Variants in AKAP1 observed in about 807,000 individuals in gnomAD.
The protein encoded by AKAP1 is A-kinase anchor protein 1, mitochondrial.
A neutral mutation model predicts 79.8 loss-of-function variants in AKAP1; 32 were observed. That is an observed-to-expected ratio of 0.40 (90% CI 0.30 to 0.54). The LOEUF (loss-of-function observed/expected upper bound fraction) is 0.54. Among genes scored for constraint, AKAP1 ranks in the 20% least tolerant of loss-of-function variants. The pLI is 0.47. For synonymous variants in AKAP1, 416 were observed against 466.7 expected (o/e 0.89, Z 1.40); for missense variants, 961 against 1,138.9 (o/e 0.84, Z 2.25).
chr17:57,089,025 T>G (rs997894634), intron 1 of AKAP1, among the ~76,000 whole-genome samples: 1 of 152,222 alleles, frequency 6.6e-6, no homozygotes, highest in Non-Finnish European at 1.5e-5. Flanking sequence ...GTTTCACTGC[T>G]GGGCTTAGCT....
chr17:57,118,601 C>G, intron 9 of AKAP1, 147 bp downstream of exon 9: 1 of 745,392 alleles, frequency 1.3e-6, no homozygotes, highest in Non-Finnish European at 2.2e-6. Flanking sequence ...TGATATTAGT[C>G]TGTTCTCACA....
chr17:57,114,169 G>A (rs1241580522), intron 5 of AKAP1, among the ~76,000 whole-genome samples: 3 of 152,134 alleles, frequency 2.0e-5, no homozygotes, highest in African/African-American at 4.8e-5. Flanking sequence ...CACTACCTCC[G>A]CAGTTGCTTC....
At chr17:57,110,686 A>C (rs8068737) in intron 3 of AKAP1, among the ~76,000 whole-genome samples, 38,326 of 152,190 alleles carry the variant, frequency 0.25, 5,500 homozygotes, top group East Asian at 0.46. Flanking sequence ...TGTGGTTTTT[A>C]AACAAAACTG....
intron 1 of AKAP1, chr17:57,095,960 G>GTGA (rs1477030172): frequency 1.3e-5 from 2 of 152,172 alleles, no homozygotes; most frequent in African/African-American, 2.4e-5. Context: ...GAGGGGCAAG[G>GTGA]TGAGTGTGAC....
chr17:57,097,238 C>T lies in AKAP1; in HGVS notation c.-24-8203C>T, dbSNP rs891236024. On this transcript the variant is annotated intron_variant, in intron 1 of 10. Coordinates refer to ENST00000337714, the MANE Select transcript of AKAP1 (RefSeq NM_003488.4). ...TGCAGCCTAAGGAAATCCTGGCCCT[C>T]TTTGAGAAAGCCTTCCTGGGCTCCC... Among the ~76,000 whole-genome samples the T allele has an allele frequency of 2.0e-5, 3 of 151,984 alleles. No homozygotes were observed. The South Asian group carries it at 6.2e-4, about 31-fold the overall frequency.
At position 57,107,099 on chromosome 17, in the gene AKAP1, TGGG is replaced by T. The variant is rs1368832862; in HGVS notation, c.1637_1639del (p.Gly546del). On this transcript the variant is annotated inframe_deletion, in exon 2 of 11. Coordinates refer to ENST00000337714, the MANE Select transcript of AKAP1 (RefSeq NM_003488.4). Reference sequence around the variant, plus strand: ...CAGAAAGTACTGTGCCCTTCAGCAATGGGGTGCTGAAGGGGGAGTTGTCAGACT... The same window carrying T: ...CAGAAAGTACTGTGCCCTTCAGCAATGTGCTGAAGGGGGAGTTGTCAGACT... 5 of 1,613,868 alleles carry T rather than the reference TGGG, an allele frequency of 3.1e-6. No homozygotes were observed. Among genetic ancestry groups the T allele is most frequent in the Non-Finnish European group, 4.2e-6 (5 of 1,179,978 alleles).
chr17:57,107,927 C>T (rs1360790475), intron 2 of AKAP1: 1 of 1,282,848 alleles, frequency 7.8e-7, no homozygotes. Flanking sequence ...AAAGCCTCAG[C>T]CATTTTCTTT....
intron 7 of AKAP1, 61 bp downstream of exon 7, chr17:57,116,322 C>T (rs553855386): frequency 1.1e-5 from 18 of 1,597,428 alleles, no homozygotes; most frequent in South Asian, 5.6e-5. Context: ...GTGATCTCTG[C>T]GTGGCTGGCT....
At position 57,118,972 on chromosome 17, in the gene AKAP1, C is replaced by T. The variant is rs200645805; in HGVS notation, c.2575-10C>T. ...CTAACCATATTATTCTTTCCACCCC[C>T]CTTCTTCAGGTGACAAGTTACAGTC... On this transcript the variant is annotated splice_polypyrimidine_tract_variant and intron_variant, in intron 9 of 10. Transcript: ENST00000337714. 24 of 1,612,918 alleles carry T rather than the reference C, an allele frequency of 1.5e-5. No individual in the cohort carries two copies. The highest frequency in any genetic ancestry group is 1.5e-5 in the Non-Finnish European group (18 of 1,179,110).
At chr17:57,110,767 G>A (rs984261452) in intron 3 of AKAP1, among the ~76,000 whole-genome samples, 4 of 152,156 alleles carry the variant, frequency 2.6e-5, no homozygotes, top group African/African-American at 9.7e-5. Context: ...CTTTGAAAAT[G>A]TAACTGTAAC....
chr17:57,107,920 G>T (rs1222577232), intron 2 of AKAP1: 1 of 1,281,434 alleles, frequency 7.8e-7, no homozygotes, highest in South Asian at 1.2e-5. Context: ...TTTGCAGAAA[G>T]CCTCAGCCAT....
At chr17:57,091,320 C>T (rs1913769180) in intron 1 of AKAP1, among the ~76,000 whole-genome samples, 1 of 151,468 alleles carries the variant, frequency 6.6e-6, no homozygotes, top group Non-Finnish European at 1.5e-5. Flanking sequence ...AGGTGGCATC[C>T]TTTAGGAGGG....
Position 57,118,586 on chromosome 17 carries a change from A to G in AKAP1, c.2574+132A>G, listed in dbSNP as rs564845500. On this transcript the variant is annotated intron_variant, in intron 9 of 10. Coordinates refer to ENST00000337714, the MANE Select transcript of AKAP1 (RefSeq NM_003488.4). ...TAAGGAAAGGTGCATGAAGTAGCTA[A>G]TACTTGATATTAGTCTGTTCTCACA... is the stretch of plus-strand genomic sequence containing the variant. The G allele has an allele frequency of 1.1e-5, 9 of 809,498 alleles. No individual in the cohort carries two copies. The South Asian group carries it at 1.5e-4, about 13-fold the overall frequency. The allele number at this position is 809,498 out of a possible 1,614,324, so 50.1% of individuals were successfully genotyped here.
At chr17:57,118,253 C>T (rs763974898) in intron 8 of AKAP1, 128 bp from the exon 9 acceptor site, 81 of 805,190 alleles carry the variant, frequency 1.0e-4, no homozygotes, top group African/African-American at 3.0e-4. Context: ...TGGATCTCCC[C>T]AGTGCAGTTC....
At chr17:57,112,171 C>T (rs1487951437) in intron 4 of AKAP1, among the ~76,000 whole-genome samples, 2 of 151,956 alleles carry the variant, frequency 1.3e-5, no homozygotes, top group African/African-American at 2.4e-5. Flanking sequence ...GGGCCTGGGT[C>T]CTGGGTTCAT....
intron 1 of AKAP1, among the ~76,000 whole-genome samples, chr17:57,091,168 C>A (rs1046394001): frequency 1.3e-5 from 2 of 152,234 alleles, no homozygotes; most frequent in Non-Finnish European, 2.9e-5. Flanking sequence ...CTTTCCTGAA[C>A]TGCCTTGGAG....
At position 57,106,146 on chromosome 17, in the gene AKAP1, T is replaced by C. The variant is rs756852977; in HGVS notation, c.682T>C (p.Leu228=). The change falls in exon 2 of 11, where the codon TTG becomes CTG. Residue 228 remains leucine, a synonymous_variant. Coordinates refer to ENST00000337714, the MANE Select transcript of AKAP1 (RefSeq NM_003488.4). ...GTTGTCTCGGGAGCATGTCTTGGAA[T>C]TGGAGAACAGCAAGGGCCCCAGCCT... ...ALLSREHVLE[L]ENSKGPSLAS... The C allele has an allele frequency of 1.9e-6, 3 of 1,609,648 alleles. No individual in the cohort carries two copies. Among genetic ancestry groups the C allele is most frequent in the Middle Eastern group, 1.7e-4 (1 of 6,032 alleles).
At chr17:57,088,959 G>A (rs1488299877) in intron 1 of AKAP1, among the ~76,000 whole-genome samples, 2 of 152,140 alleles carry the variant, frequency 1.3e-5, no homozygotes, top group African/African-American at 2.4e-5. Flanking sequence ...GCAAAGAAGG[G>A]CCCTGAGGTG....
At chr17:57,088,464 C>A (rs947578139) in intron 1 of AKAP1, among the ~76,000 whole-genome samples, 1 of 152,178 alleles carries the variant, frequency 6.6e-6, no homozygotes, top group Non-Finnish European at 1.5e-5. Flanking sequence ...CTTTAATCCT[C>A]ACACCTCTGA....
Sources: gnomAD v4.1 joint callset for allele counts (sites outside exome capture counted in the v4.1 genomes callset) on GRCh38, gnomAD v4.1.1 for gene constraint, MANE v1.5 for transcripts, NCBI Gene and HGNC (gene_info 2026-07-23, HGNC 2026-07-21) for gene names.